Variants in SLC2A13 observed in about 807,000 individuals in gnomAD.
SLC2A13 encodes the protein proton myo-inositol cotransporter.
Under a neutral mutation model 64.4 loss-of-function variants are expected in SLC2A13, and 32 were observed. That is an observed-to-expected ratio of 0.50 (90% confidence interval 0.37 to 0.67). SLC2A13 has a LOEUF of 0.67. Among genes scored for constraint, SLC2A13 ranks in the 30% least tolerant of loss-of-function variants. The pLI is 0.00. For missense variants in SLC2A13, 743 were observed against 829.2 expected (o/e 0.90, Z 1.28); for synonymous variants, 338 against 327.1 (o/e 1.03, Z -0.36).
intron 6 of SLC2A13, among the ~76,000 whole-genome samples, chr12:39,833,002 T>G (rs1036792915): frequency 2.0e-5 from 3 of 152,086 alleles, no homozygotes; most frequent in Admixed American, 6.6e-5. Context: ...TATACACATC[T>G]TAAAGTTTCT....
At chr12:39,900,106 T>C (rs138418616) in intron 4 of SLC2A13, among the ~76,000 whole-genome samples, 5,241 of 152,220 alleles carry the variant, frequency 0.034, 215 homozygotes, top group Admixed American at 0.12. Context: ...ATTATCTCAA[T>C]AGAGGCAGAA....
rs12231445 is a variant in SLC2A13, at chr12:39,900,422, C to A, written c.1035-28461G>T. On this transcript the variant is annotated intron_variant, in intron 4 of 9. Transcript: ENST00000280871. ...TGTCCCTGTTTGCAGATGACATGAT[C>A]GTATATCTAGAAAACCCCATCGTCT... Among the ~76,000 whole-genome samples, 5 of 151,752 alleles carry A rather than the reference C, an allele frequency of 3.3e-5. No homozygotes were observed. The East Asian group carries it at 9.7e-4, about 29-fold the overall frequency.
chr12:39,955,561 T>C (rs1236817938), intron 3 of SLC2A13, among the ~76,000 whole-genome samples: 1 of 152,148 alleles, frequency 6.6e-6, no homozygotes, highest in African/African-American at 2.4e-5. Context: ...TGCCAAGCTA[T>C]GGTAGGCTAA....
At chr12:39,829,863 C>T (rs2135847798) in intron 7 of SLC2A13, 6 of 515,940 alleles carry the variant, frequency 1.2e-5, no homozygotes, top group South Asian at 1.1e-4. Flanking sequence ...GATCCAAACT[C>T]CTATACCTTA....
chr12:39,860,351 T>A (rs1943726018), intron 6 of SLC2A13, among the ~76,000 whole-genome samples: 1 of 152,240 alleles, frequency 6.6e-6, no homozygotes, highest in Admixed American at 6.5e-5. Flanking sequence ...CCCAATTGAT[T>A]AGTAAACTAC....
intron 6 of SLC2A13, among the ~76,000 whole-genome samples, chr12:39,833,986 G>T (rs994468391): frequency 2.6e-5 from 4 of 151,770 alleles, no homozygotes. Context: ...TATATCCAGA[G>T]GCCAAGAAGA....
chr12:40,024,660 A>T (rs899690101), intron 3 of SLC2A13, among the ~76,000 whole-genome samples: 1 of 152,154 alleles, frequency 6.6e-6, no homozygotes, highest in Non-Finnish European at 1.5e-5. Context: ...GCCTTATCCA[A>T]TGAGAATGGA....
At chr12:39,822,150 A>C (rs1942537219) in intron 7 of SLC2A13, among the ~76,000 whole-genome samples, 1 of 140,366 alleles carries the variant, frequency 7.1e-6, no homozygotes, top group South Asian at 2.3e-4. Flanking sequence ...ATTCCCACCT[A>C]TGAGTGAGAA....
At chr12:39,971,736 A>G (rs917189653) in intron 3 of SLC2A13, among the ~76,000 whole-genome samples, 6 of 152,032 alleles carry the variant, frequency 3.9e-5, no homozygotes, top group Non-Finnish European at 7.4e-5. Flanking sequence ...GCACTTTGGG[A>G]GGCCGAGGTG....
At chr12:39,856,934 G>A (rs760232721) in intron 6 of SLC2A13, among the ~76,000 whole-genome samples, 8 of 152,106 alleles carry the variant, frequency 5.3e-5, no homozygotes, top group Non-Finnish European at 1.0e-4. Flanking sequence ...TTTATTATAA[G>A]AAAATACACC....
At chr12:39,894,437 T>C (rs1173440601) in intron 4 of SLC2A13, among the ~76,000 whole-genome samples, 1 of 152,196 alleles carries the variant, frequency 6.6e-6, no homozygotes, top group Non-Finnish European at 1.5e-5. Context: ...GAACCCCTAA[T>C]ACCTTTAATA....
rs528508739 is a variant in SLC2A13 at position 39,920,136 on chromosome 12, C to T, written c.1034+31121G>A. On this transcript the variant is annotated intron_variant, in intron 4 of 9. Transcript: ENST00000280871. ...CAAGACACATTCTAAGATGCTTCCA[C>T]CCCACCACAATTAAAATTAAGCTTT... 6.6e-5 allele frequency among the ~76,000 whole-genome samples: 10 copies of T among 152,160 alleles called. No homozygotes were observed. The East Asian group carries it at 1.7e-3, about 26-fold the overall frequency.
intron 1 of SLC2A13, among the ~76,000 whole-genome samples, chr12:40,049,271 C>A (rs1565605080): frequency 6.6e-6 from 1 of 151,284 alleles, no homozygotes; most frequent in Non-Finnish European, 1.5e-5. Context: ...TACTATAAAT[C>A]AATCCTTAGA....
chr12:39,899,592 T>C (rs1287809490), intron 4 of SLC2A13, among the ~76,000 whole-genome samples: 1 of 152,334 alleles, frequency 6.6e-6, no homozygotes, highest in Admixed American at 6.5e-5. Context: ...ATTTTGGATC[T>C]TTCCTGCTTT....
At chr12:40,013,414 T>C (rs1947566380) in intron 3 of SLC2A13, among the ~76,000 whole-genome samples, 1 of 152,204 alleles carries the variant, frequency 6.6e-6, no homozygotes, top group Non-Finnish European at 1.5e-5. Flanking sequence ...AAAATATAAT[T>C]ATCTGAGACA....
At chr12:39,963,874 C>A (rs1946459202) in intron 3 of SLC2A13, among the ~76,000 whole-genome samples, 1 of 152,100 alleles carries the variant, frequency 6.6e-6, no homozygotes, top group African/African-American at 2.4e-5. Flanking sequence ...ATGATTCATG[C>A]TATATTTGGC....
intron 4 of SLC2A13, among the ~76,000 whole-genome samples, chr12:39,891,634 A>G (rs11174153): frequency 0.44 from 66,335 of 151,918 alleles, 15,019 homozygotes; most frequent in Middle Eastern, 0.53. Context: ...GCAGCCTATT[A>G]CTGCTGACAA....
intron 4 of SLC2A13, among the ~76,000 whole-genome samples, chr12:39,889,689 C>T (rs1220421481): frequency 3.3e-5 from 5 of 151,930 alleles, no homozygotes; most frequent in African/African-American, 7.2e-5. Context: ...CCCACCACCA[C>T]GCCCGGCTAA....
rs532821492 is a variant in SLC2A13 at position 39,947,433 on chromosome 12, A to G, written c.1034+3824T>C. 7.2e-5 allele frequency among the ~76,000 whole-genome samples: 11 copies of G among 152,302 alleles called. 1 individual carries two copies. In the East Asian group the frequency reaches 1.7e-3, roughly 24 times the overall value. ...AATATAGTTTACTTCAAGTTCCCCA[A>G]AAAAGAAAGATGTTATCAAACCCAC... On this transcript the variant is annotated intron_variant, in intron 4 of 9. Transcript: ENST00000280871.
Sources: gnomAD v4.1 joint callset for allele counts (sites outside exome capture counted in the v4.1 genomes callset) on GRCh38, gnomAD v4.1.1 for gene constraint, MANE v1.5 for transcripts, NCBI Gene and HGNC (gene_info 2026-07-23, HGNC 2026-07-21) for gene names.